RALGAPB: variants seen among roughly 807,000 people sequenced by gnomAD.
The protein encoded by RALGAPB is ral GTPase-activating protein subunit beta.
A neutral mutation model predicts 161.1 loss-of-function variants in RALGAPB; 25 were observed. The ratio of observed to expected loss-of-function variants is 0.16; its 90% CI spans 0.11 to 0.22. The LOEUF (loss-of-function observed/expected upper bound fraction) is 0.22. Among genes scored for constraint, RALGAPB ranks in the 10% least tolerant of loss-of-function variants. RALGAPB has a pLI of 1.00. For synonymous variants in RALGAPB, 629 were observed against 626.1 expected (o/e 1.00, Z -0.07); for missense variants, 1,391 against 1,815.2 (o/e 0.77, Z 4.25).
chr20:38,513,693 C>T (rs558434128), intron 6 of RALGAPB, among the ~76,000 whole-genome samples: 7 of 151,334 alleles, frequency 4.6e-5, no homozygotes, highest in African/African-American at 7.3e-5. Context: ...ACTATAGTAC[C>T]GAATTGTTTC....
intron 1 of RALGAPB, among the ~76,000 whole-genome samples, chr20:38,479,701 G>A (rs1043818445): frequency 6.6e-6 from 1 of 152,172 alleles, no homozygotes; most frequent in East Asian, 1.9e-4. Context: ...AGCAGCTCAG[G>A]TTGATAGCAG....
intron 3 of RALGAPB, among the ~76,000 whole-genome samples, chr20:38,495,471 AGTCAGTTCTGCTG>A (rs2085400604): frequency 6.6e-6 from 1 of 152,226 alleles, no homozygotes; most frequent in South Asian, 2.1e-4. Flanking sequence ...TGTTATAATT[AGTCAGTTCTGCTG>A]GTGTGGCATG....
At chr20:38,554,213 A>G (rs1252081841) in intron 22 of RALGAPB, 137 bp downstream of exon 22, 6 of 820,560 alleles carry the variant, frequency 7.3e-6, no homozygotes, top group Non-Finnish European at 1.1e-5. Flanking sequence ...GCATACAAAT[A>G]AATGAAATTC....
rs771497270 is a variant in RALGAPB, at chr20:38,509,139, G to A, written c.803G>A (p.Ser268Asn). ...PAFKVPDEDA[S>N]LIPPEMDNEC... ...TTTAAAGTTCCCGATGAAGATGCCA[G>A]TCTGATCCCTCCAGAAATGGATAAT... The change falls in exon 6 of 30, where the codon AGT becomes AAT. Residue 268 changes from serine (S) to asparagine (N), a missense_variant. Around this residue, in one of 3 missense-constraint regions of RALGAPB, gnomAD observed 946 missense variants for 1,257.2 expected, o/e 0.75. Transcript: ENST00000262879. The A allele has an allele frequency of 6.8e-6, 11 of 1,613,450 alleles. No homozygotes were observed. The highest frequency in any genetic ancestry group is 6.6e-5 in the South Asian group (6 of 91,080).
At chr20:38,547,279 G>T (rs1160764914) in intron 19 of RALGAPB, 1 of 152,040 alleles carries the variant, frequency 6.6e-6, no homozygotes, top group African/African-American at 2.4e-5. Context: ...GTATGTAAAA[G>T]AAGCATGTTC....
chr20:38,532,464 A>G (rs2086683833), intron 14 of RALGAPB, among the ~76,000 whole-genome samples: 1 of 152,140 alleles, frequency 6.6e-6, no homozygotes, highest in African/African-American at 2.4e-5. Context: ...TAAAGATGAA[A>G]AAGCTGGGCC....
chr20:38,544,614 C>T (rs1004946406), intron 18 of RALGAPB, among the ~76,000 whole-genome samples: 9 of 152,092 alleles, frequency 5.9e-5, no homozygotes, highest in Non-Finnish European at 1.2e-4. Flanking sequence ...ACTACAGGCA[C>T]GTGCCACTAC....
At position 38,531,221 on chromosome 20, in the gene RALGAPB, A is replaced by C; in HGVS notation, c.2105A>C (p.Gln702Pro). Residue 702 changes from glutamine to proline, a missense_variant, in exon 14 of 30, where the codon CAG (glutamine) becomes CCG (proline). Gln to Pro is a moderately conservative substitution (Grantham distance 76). Coordinates refer to ENST00000262879, the MANE Select transcript of RALGAPB (RefSeq NM_020336.4). ...GCACTTTTGGAAGCCATTGGTTGCC[A>C]GATGGAGATGGTAAGAAGCATACAT... ...DSALLEAIGCQMEMGGGENNL... is the reference protein window; with the variant it reads ...DSALLEAIGCPMEMGGGENNL... The C allele has an allele frequency of 1.2e-6, 2 of 1,604,604 alleles. No individual in the cohort carries two copies. Among genetic ancestry groups the C allele is most frequent in the Non-Finnish European group, 1.7e-6 (2 of 1,171,500 alleles).
At chr20:38,567,777 AC>A (rs1467506165) in intron 26 of RALGAPB, among the ~76,000 whole-genome samples, 2 of 152,188 alleles carry the variant, frequency 1.3e-5, no homozygotes, top group Non-Finnish European at 2.9e-5. Flanking sequence ...TTAGAACAAA[AC>A]ATAACAAAGA....
intron 18 of RALGAPB, 81 bp downstream of exon 18, chr20:38,541,273 G>A (rs889179290): frequency 2.9e-5 from 40 of 1,394,242 alleles, no homozygotes; most frequent in Middle Eastern, 2.1e-4. Context: ...TTTCCTTCCT[G>A]ATTGTTCAGC....
At chr20:38,541,694 G>T (rs2086972863) in intron 18 of RALGAPB, among the ~76,000 whole-genome samples, 1 of 152,122 alleles carries the variant, frequency 6.6e-6, no homozygotes, top group Admixed American at 6.5e-5. Context: ...CATCTTGTCT[G>T]GTAGGGAAGA....
chr20:38,515,450 T>C (rs1487122814), intron 6 of RALGAPB, among the ~76,000 whole-genome samples: 1 of 152,242 alleles, frequency 6.6e-6, no homozygotes, highest in Non-Finnish European at 1.5e-5. Flanking sequence ...AATGGAATGC[T>C]AAGCAGACCA....
chr20:38,472,866 C>G lies in RALGAPB; in HGVS notation c.-234C>G, dbSNP rs1246183746. On this transcript the variant is annotated 5_prime_UTR_variant, in exon 1 of 30. It adds an upstream start codon to the 5' untranslated region. Coordinates refer to ENST00000262879, the MANE Select transcript of RALGAPB (RefSeq NM_020336.4). ...GCAGTCGGAAGTTGCCTGAGCAGAT[C>G]CCAGCCGGCTGGCTCGAGTGGCCTT... is the stretch of plus-strand genomic sequence containing the variant. 1 of 398,876 alleles carries G rather than the reference C, an allele frequency of 2.5e-6. No homozygotes were observed. Among genetic ancestry groups the G allele is most frequent in the African/African-American group, 2.1e-5 (1 of 48,638 alleles). The allele number at this position is 398,876 out of a possible 1,614,324, so 24.7% of individuals were successfully genotyped here. A position where few individuals can be genotyped will look rare whatever the true frequency, so the allele number is the denominator to read the frequency against.
At chr20:38,558,804 A>G (rs1180510481) in intron 23 of RALGAPB, among the ~76,000 whole-genome samples, 1 of 152,230 alleles carries the variant, frequency 6.6e-6, no homozygotes, top group African/African-American at 2.4e-5. Flanking sequence ...GTGGTGACAC[A>G]CAGTCTAGAG....
At chr20:38,565,609 A>T in intron 25 of RALGAPB, 131 bp downstream of exon 25, 1 of 1,172,818 alleles carries the variant, frequency 8.5e-7, no homozygotes, top group Non-Finnish European at 1.2e-6. Flanking sequence ...TTATAACAAT[A>T]TGCAGAAGCA....
In RALGAPB at chr20:38,488,270, T is replaced by G. The variant is rs375596371; in HGVS notation, c.-30-133T>G. The G allele has an allele frequency of 5.3e-5, 30 of 565,642 alleles. 1 individual carries two copies. The highest frequency in any genetic ancestry group is 1.4e-4 in the Admixed American group (4 of 29,298). The allele number at this position is 565,642 out of a possible 1,614,324, so 35.0% of individuals were successfully genotyped here. A position where few individuals can be genotyped will look rare whatever the true frequency, so the allele number is the denominator to read the frequency against. On this transcript the variant is annotated intron_variant, in intron 1 of 29. Transcript: ENST00000262879. ...ACATTGATAGTTTCATGACCCACAGTTTGAAAAACATTGATAGAGGCAAGA... is the reference window on the plus strand; with the variant it reads ...ACATTGATAGTTTCATGACCCACAGGTTGAAAAACATTGATAGAGGCAAGA...
At chr20:38,541,591 G>C (rs2086969122) in intron 18 of RALGAPB, among the ~76,000 whole-genome samples, 1 of 152,092 alleles carries the variant, frequency 6.6e-6, no homozygotes, top group African/African-American at 2.4e-5. Context: ...ATATTACATA[G>C]TATAGGTTCA....
intron 5 of RALGAPB, 74 bp downstream of exon 5, chr20:38,499,707 A>G (rs2085522580): frequency 2.9e-6 from 4 of 1,395,170 alleles, no homozygotes; most frequent in Admixed American, 5.2e-5. Flanking sequence ...CATGGAATAC[A>G]TTATAACAAA....
chr20:38,511,137 A>G (rs1183284443), intron 6 of RALGAPB, among the ~76,000 whole-genome samples: 1 of 152,114 alleles, frequency 6.6e-6, no homozygotes, highest in African/African-American at 2.4e-5. Context: ...TTGAAGTAAT[A>G]TAAATCACTG....
Sources: gnomAD v4.1 joint callset for allele counts (sites outside exome capture counted in the v4.1 genomes callset) on GRCh38, gnomAD v4.1.1 for gene constraint, gnomAD v4.1.1 regional missense constraint, MANE v1.5 for transcripts, NCBI Gene and HGNC (gene_info 2026-07-23, HGNC 2026-07-21) for gene names.